IL1RAPL1: variants seen among roughly 807,000 people sequenced by gnomAD.
IL1RAPL1 encodes interleukin-1 receptor accessory protein-like 1.
Under a neutral mutation model 48.4 loss-of-function variants are expected in IL1RAPL1, and 3 were observed. The ratio of observed to expected loss-of-function variants is 0.06; its 90% CI spans 0.03 to 0.16. The LOEUF (loss-of-function observed/expected upper bound fraction) is 0.16. Among genes scored for constraint, IL1RAPL1 ranks in the 10% least tolerant of loss-of-function variants. The pLI is 1.00. For synonymous variants in IL1RAPL1, 185 were observed against 187.7 expected, an observed-to-expected ratio of 0.99 and a Z score of 0.12; for missense variants, 349 against 530.6, an observed-to-expected ratio of 0.66 and a Z score of 3.36.
At chrX:29,029,325 G>T (rs1429873531) in intron 2 of IL1RAPL1, among the ~76,000 whole-genome samples, 1 of 110,915 alleles carries the variant, frequency 9.0e-6, no homozygotes, top group Non-Finnish European at 1.9e-5. Context: ...AAGTGTTGTG[G>T]TCTAAGGCAA....
intron 7 of IL1RAPL1, 78 bp downstream of exon 7, chrX:29,917,674 ATTTT>A (rs778228325): frequency 8.9e-6 from 8 of 899,109 alleles, no homozygotes; most frequent in South Asian, 6.8e-5. Context: ...AGCTGAAAGG[ATTTT>A]TTTTTGTTTT....
chrX:29,563,558 A>T (rs755215104), intron 5 of IL1RAPL1, among the ~76,000 whole-genome samples: 23 of 112,556 alleles, frequency 2.0e-4, no homozygotes, highest in Admixed American at 4.7e-4. Context: ...CATGACACAA[A>T]CTGTTTCAAA....
chrX:28,737,473 G>A (rs1258123304), intron 1 of IL1RAPL1, among the ~76,000 whole-genome samples: 2 of 109,034 alleles, frequency 1.8e-5, no homozygotes, highest in South Asian at 4.0e-4. Context: ...GGCCAGGCTG[G>A]TCTTGAACTC....
chrX:29,112,530 A>G (rs1275361270), intron 2 of IL1RAPL1, among the ~76,000 whole-genome samples: 4 of 105,277 alleles, frequency 3.8e-5, no homozygotes, highest in Non-Finnish European at 7.8e-5. Context: ...TGAAGAGTCT[A>G]TTCTTCCCCT....
chrX:29,472,572 A>G (rs960753747), intron 5 of IL1RAPL1, among the ~76,000 whole-genome samples: 4 of 111,960 alleles, frequency 3.6e-5, no homozygotes, highest in East Asian at 5.6e-4. Flanking sequence ...GATGATTTCC[A>G]TTACTCACTC....
chrX:28,944,815 C>T (rs1938147089), intron 2 of IL1RAPL1, among the ~76,000 whole-genome samples: 1 of 108,689 alleles, frequency 9.2e-6, no homozygotes, highest in East Asian at 2.9e-4. Flanking sequence ...TAAAATTTGA[C>T]TATGGTTTTC....
intron 3 of IL1RAPL1, among the ~76,000 whole-genome samples, chrX:29,332,634 T>C (rs1411551938): frequency 9.9e-6 from 1 of 100,727 alleles, no homozygotes; most frequent in African/African-American, 4.2e-5. Flanking sequence ...ATTTATTTAT[T>C]TATTTATTTA....
intron 2 of IL1RAPL1, among the ~76,000 whole-genome samples, chrX:28,881,603 C>T (rs1424210325): frequency 9.1e-6 from 1 of 110,331 alleles, no homozygotes; most frequent in South Asian, 3.8e-4. Flanking sequence ...TAAAGATGCT[C>T]GATGAGCTAA....
intron 2 of IL1RAPL1, among the ~76,000 whole-genome samples, chrX:29,243,659 G>A (rs1254417860): frequency 9.0e-6 from 1 of 111,525 alleles, no homozygotes; most frequent in African/African-American, 3.3e-5. Flanking sequence ...CAAAAGTAAT[G>A]ATTACTTTTT....
At chrX:29,398,540 A>G (rs974460188) in intron 4 of IL1RAPL1, among the ~76,000 whole-genome samples, 3 of 112,073 alleles carry the variant, frequency 2.7e-5, no homozygotes, top group African/African-American at 9.7e-5. Context: ...ATGGAACTCT[A>G]AAGACCTTGC....
intron 1 of IL1RAPL1, among the ~76,000 whole-genome samples, chrX:28,685,509 G>A (rs1430668897): frequency 8.9e-6 from 1 of 111,868 alleles, no homozygotes; most frequent in East Asian, 2.8e-4. Context: ...AATTTCCATT[G>A]GGTTGACTTT....
At chrX:29,113,264 A>G (rs1052501800) in intron 2 of IL1RAPL1, among the ~76,000 whole-genome samples, 21 of 112,103 alleles carry the variant, frequency 1.9e-4, no homozygotes, top group Admixed American at 3.8e-4. Flanking sequence ...AAGCATCTCT[A>G]TCTACAGTGT....
chrX:29,231,306 A>G (rs1214251728), intron 2 of IL1RAPL1, among the ~76,000 whole-genome samples: 2 of 111,686 alleles, frequency 1.8e-5, no homozygotes, highest in Admixed American at 9.5e-5. Flanking sequence ...AGCCGTGCAA[A>G]TGCTTTTATC....
At chrX:29,478,413 A>T (rs1180693482) in intron 5 of IL1RAPL1, among the ~76,000 whole-genome samples, 3 of 111,396 alleles carry the variant, frequency 2.7e-5, no homozygotes, top group African/African-American at 9.8e-5. Flanking sequence ...TGCCTCTGTC[A>T]TCCTGTGGCT....
chrX:28,840,703 T>G (rs983247493), intron 2 of IL1RAPL1, among the ~76,000 whole-genome samples: 4 of 110,962 alleles, frequency 3.6e-5, no homozygotes, highest in Non-Finnish European at 3.8e-5. Flanking sequence ...TATAAGATGG[T>G]TGGACTTTAT....
chrX:28,781,976 G>T (rs1936428812), intron 1 of IL1RAPL1, among the ~76,000 whole-genome samples: 1 of 111,085 alleles, frequency 9.0e-6, no homozygotes. Context: ...TTACAATCAT[G>T]GCATTTTTGT....
chrX:29,617,977 A>G (rs1340166602), intron 5 of IL1RAPL1, among the ~76,000 whole-genome samples: 1 of 111,820 alleles, frequency 8.9e-6, no homozygotes, highest in Non-Finnish European at 1.9e-5. Context: ...ATAAAGATCC[A>G]ATCTTTCTAC....
At chrX:29,773,500 C>G (rs1929116841) in intron 6 of IL1RAPL1, among the ~76,000 whole-genome samples, 1 of 112,517 alleles carries the variant, frequency 8.9e-6, no homozygotes. Flanking sequence ...ATGAATCCAA[C>G]TACATACGAA....
At chrX:29,506,438 T>TCTCCTCCTCCTC (rs562607187) in intron 5 of IL1RAPL1, among the ~76,000 whole-genome samples, 1,014 of 90,596 alleles carry the variant, frequency 0.011, 12 homozygotes, top group African/African-American at 0.033. Context: ...TCCTTCTCCT[T>TCTCCTCCTCCTC]CTCCTCCTCC....
Sources: gnomAD v4.1 joint callset for allele counts (sites outside exome capture counted in the v4.1 genomes callset) on GRCh38, gnomAD v4.1.1 for gene constraint, MANE v1.5 for transcripts, NCBI Gene and HGNC (gene_info 2026-07-23, HGNC 2026-07-21) for gene names.